Variants in DLG2 observed in about 807,000 individuals in gnomAD.
DLG2 encodes disks large homolog 2.
In DLG2, 45 loss-of-function variants were observed where a neutral mutation model predicts 132.5. The ratio of observed to expected loss-of-function variants is 0.34; its 90% CI spans 0.27 to 0.44. DLG2 has a LOEUF of 0.44. Among genes scored for constraint, DLG2 ranks in the 20% least tolerant of loss-of-function variants. DLG2 has a pLI of 1.00. For synonymous variants in DLG2, 424 were observed against 419.6 expected, an observed-to-expected ratio of 1.01 and a Z score of -0.13; for missense variants, 1,045 against 1,196.9, an observed-to-expected ratio of 0.87 and a Z score of 1.87.
At chr11:84,362,089 A>C (rs1174656076) in intron 7 of DLG2, among the ~76,000 whole-genome samples, 1 of 151,930 alleles carries the variant, frequency 6.6e-6, no homozygotes, top group African/African-American at 2.4e-5. Flanking sequence ...TCTTCAATTA[A>C]AAGGTAGAGA....
At chr11:85,349,989 T>C (rs1438086198) in intron 3 of DLG2, among the ~76,000 whole-genome samples, 1 of 152,260 alleles carries the variant, frequency 6.6e-6, no homozygotes, top group African/African-American at 2.4e-5. Context: ...ATCGCCACAC[T>C]GTCATCCACA....
chr11:84,845,143 A>T (rs1374486950), intron 6 of DLG2, among the ~76,000 whole-genome samples: 2 of 152,162 alleles, frequency 1.3e-5, no homozygotes, highest in Non-Finnish European at 2.9e-5. Flanking sequence ...AGAATATCTC[A>T]GGAGACAAGG....
intron 11 of DLG2, among the ~76,000 whole-genome samples, chr11:84,051,566 C>A (rs1403608787): frequency 1.5e-5 from 2 of 135,502 alleles, no homozygotes; most frequent in African/African-American, 5.6e-5. Flanking sequence ...TAGGTGGGAA[C>A]TGAACAATGA....
chr11:84,305,180 A>G (rs998288314), intron 7 of DLG2, among the ~76,000 whole-genome samples: 1 of 152,226 alleles, frequency 6.6e-6, no homozygotes, highest in South Asian at 2.1e-4. Flanking sequence ...GCACAAAAAC[A>G]TAATTTAATA....
intron 3 of DLG2, among the ~76,000 whole-genome samples, chr11:85,377,709 T>C (rs1164167317): frequency 6.6e-6 from 1 of 151,574 alleles, no homozygotes; most frequent in Non-Finnish European, 1.5e-5. Flanking sequence ...TTATATTCTA[T>C]GATTCTGAGA....
chr11:84,339,009 G>T lies in DLG2; in HGVS notation c.520-87718C>A, dbSNP rs186159316. On this transcript the variant is annotated intron_variant, in intron 7 of 27. Coordinates refer to ENST00000376104, the MANE Select transcript of DLG2 (RefSeq NM_001142699.3). Reference sequence around the variant, plus strand: ...ATTACATTACAGTGATGTCTGCACAGACTATAATGGTTTATTTTCATTTAT... The same window carrying T: ...ATTACATTACAGTGATGTCTGCACATACTATAATGGTTTATTTTCATTTAT... Among the ~76,000 whole-genome samples the T allele has an allele frequency of 2.3e-4, 35 of 152,166 alleles. No individual in the cohort carries two copies. The East Asian group carries it at 5.8e-3, about 25-fold the overall frequency.
chr11:84,006,316 G>A (rs751739048), intron 11 of DLG2, among the ~76,000 whole-genome samples: 2 of 151,552 alleles, frequency 1.3e-5, no homozygotes, highest in Admixed American at 6.6e-5. Flanking sequence ...GGAGAAGAGA[G>A]GTAAGTTAAT....
intron 6 of DLG2, among the ~76,000 whole-genome samples, chr11:85,075,205 T>C (rs796195562): frequency 2.0e-5 from 3 of 152,064 alleles, no homozygotes; most frequent in African/African-American, 7.2e-5. Flanking sequence ...TGTTTTACAC[T>C]GTTAGTGAAA....
chr11:85,518,527 G>T (rs1188151654), intron 3 of DLG2, among the ~76,000 whole-genome samples: 1 of 152,162 alleles, frequency 6.6e-6, no homozygotes, highest in Non-Finnish European at 1.5e-5. Context: ...GAGGTGACTT[G>T]GGTGCTATTA....
chr11:84,339,789 G>T (rs2098505705), intron 7 of DLG2, among the ~76,000 whole-genome samples: 2 of 152,128 alleles, frequency 1.3e-5, no homozygotes, highest in Admixed American at 6.5e-5. Context: ...ATAGAGCATT[G>T]TTGCTACATG....
At chr11:84,255,270 T>C (rs1037874392) in intron 7 of DLG2, among the ~76,000 whole-genome samples, 1 of 152,136 alleles carries the variant, frequency 6.6e-6, no homozygotes, top group Non-Finnish European at 1.5e-5. Flanking sequence ...CTTTGATAGT[T>C]CCCACCAAGT....
At chr11:84,168,840 C>CACACAG (rs1176178433) in intron 8 of DLG2, among the ~76,000 whole-genome samples, 8 of 151,482 alleles carry the variant, frequency 5.3e-5, no homozygotes, top group African/African-American at 1.4e-4. Context: ...CACACACACA[C>CACACAG]ACACACACAC....
chr11:85,027,567 G>C (rs1038603201), intron 6 of DLG2, among the ~76,000 whole-genome samples: 1 of 152,248 alleles, frequency 6.6e-6, no homozygotes, highest in Non-Finnish European at 1.5e-5. Context: ...GAGTGGCAAA[G>C]AGTGTATGAG....
chr11:83,747,994 T>C (rs926004408), intron 18 of DLG2, among the ~76,000 whole-genome samples: 2 of 152,186 alleles, frequency 1.3e-5, no homozygotes, highest in African/African-American at 2.4e-5. Flanking sequence ...GAGGCACTTA[T>C]AGAAATTAAT....
chr11:84,421,659 C>A (rs2098951284), intron 7 of DLG2, among the ~76,000 whole-genome samples: 1 of 152,188 alleles, frequency 6.6e-6, no homozygotes, highest in East Asian at 1.9e-4. Flanking sequence ...GTTATTCCAT[C>A]CTCCATCAAA....
chr11:85,076,855 G>A (rs1454040432), intron 6 of DLG2, among the ~76,000 whole-genome samples: 1 of 151,940 alleles, frequency 6.6e-6, no homozygotes, highest in African/African-American at 2.4e-5. Context: ...AATATCTGCT[G>A]AGCTTTCATT....
chr11:84,363,531 A>C (rs1369665579), intron 7 of DLG2, among the ~76,000 whole-genome samples: 1 of 151,492 alleles, frequency 6.6e-6, no homozygotes, highest in African/African-American at 2.4e-5. Context: ...CCCATTTGTC[A>C]ATTTTGTCTT....
At chr11:84,343,500 T>C (rs1211956169) in intron 7 of DLG2, among the ~76,000 whole-genome samples, 6 of 152,222 alleles carry the variant, frequency 3.9e-5, no homozygotes, top group Admixed American at 6.5e-5. Flanking sequence ...AAACTGGGGA[T>C]GTAGCTGAAG....
intron 6 of DLG2, among the ~76,000 whole-genome samples, chr11:84,740,166 G>A (rs949233918): frequency 7.2e-5 from 11 of 151,876 alleles, no homozygotes; most frequent in Non-Finnish European, 1.5e-5. Context: ...AGTGCCAAAG[G>A]GAAATGGCTG....
Sources: allele counts gnomAD v4.1 joint callset (sites outside exome capture counted in the v4.1 genomes callset), GRCh38; gene constraint gnomAD v4.1.1; transcripts MANE v1.5; gene names NCBI Gene and HGNC (gene_info 2026-07-23, HGNC 2026-07-21).